Variants in MYH6 observed in about 807,000 individuals in gnomAD.
The protein encoded by MYH6 is myosin-6.
In MYH6, 126 loss-of-function variants were observed where a neutral mutation model predicts 223.2. The observed-to-expected ratio is 0.56, with a 90% CI of 0.49 to 0.65. MYH6 has a LOEUF of 0.65. MYH6 is among the 30% of genes least tolerant of loss of function. The probability of loss-of-function intolerance (pLI) is 0.00; values close to 1 mark genes in which losing one functional copy is unlikely to be tolerated. For missense variants in MYH6, 2,040 were observed against 2,536.4 expected (o/e 0.80, Z 4.20); for synonymous variants, 978 against 1,010.2 (o/e 0.97, Z 0.61).
chr14:23,397,363 G>T (rs1891430762), intron 16 of MYH6, 106 bp from the exon 17 acceptor site: 1 of 1,314,868 alleles, frequency 7.6e-7, no homozygotes. Context: ...AAGGGACAGG[G>T]GCTGCCACAT....
chr14:23,407,208 T>C lies in MYH6; in HGVS notation c.16A>G (p.Met6Val). Residue 6 changes from methionine (M) to valine (V), a missense_variant, in exon 3 of 39, where the codon ATG becomes GTG. Met to Val is a conservative substitution (Grantham distance 21, BLOSUM62 1). Around this residue, in one of 4 missense-constraint regions of MYH6, gnomAD observed 184 missense variants for 232.4 expected, o/e 0.79. Coordinates refer to ENST00000405093, the MANE Select transcript of MYH6 (RefSeq NM_002471.4). This position sits in a 1 kb window ranked among gnomAD's most constrained non-coding sequence, Gnocchi z 5.6. ...TGGGCCGCTGCCCCAAAGTCAGCCATCTGGGCATCGGTCATCTTGGTGCTT... is the reference window on the plus strand; with the variant it reads ...TGGGCCGCTGCCCCAAAGTCAGCCACCTGGGCATCGGTCATCTTGGTGCTT... Reference protein sequence around the residue: MTDAQMADFGAAAQYL... With the variant: MTDAQVADFGAAAQYL... 6.2e-7 allele frequency: 1 copy of C among 1,614,234 alleles called. No individual in the cohort carries two copies. Among genetic ancestry groups the C allele is most frequent in the South Asian group, 1.1e-5 (1 of 91,086 alleles).
At chr14:23,398,343 C>G (rs1226378343) in intron 15 of MYH6, among the ~76,000 whole-genome samples, 1 of 152,150 alleles carries the variant, frequency 6.6e-6, no homozygotes, top group Non-Finnish European at 1.5e-5. Context: ...ACTTTATCCT[C>G]TTCATTTCAA....
chr14:23,384,910 A>C lies in MYH6; in HGVS notation c.5289+6T>G. On this transcript the variant is annotated splice_donor_region_variant and intron_variant, in intron 35 of 38. Transcript: ENST00000405093. ...TAGGGGAGGCGGAAGGTGGGCGGTC[A>C]CTTACATCCGTGATGGCCTTCTTGG... The C allele has an allele frequency of 6.2e-7, 1 of 1,613,924 alleles. No homozygotes were observed. Among genetic ancestry groups the C allele is most frequent in the South Asian group, 1.1e-5 (1 of 91,066 alleles).
intron 6 of MYH6, 136 bp from the exon 7 acceptor site, chr14:23,404,958 C>T (rs1891736520): frequency 4.0e-6 from 6 of 1,500,208 alleles, no homozygotes; most frequent in Non-Finnish European, 5.5e-6. Flanking sequence ...TGGTTCATTG[C>T]TCTGGCACCC....
intron 15 of MYH6, among the ~76,000 whole-genome samples, chr14:23,398,003 C>CTTCTTCTTT (rs1566512666): frequency 2.2e-5 from 3 of 137,770 alleles, no homozygotes; most frequent in African/African-American, 8.8e-5. Flanking sequence ...TCTTCTTCTT[C>CTTCTTCTTT]TTCTTCTTCT....
At chr14:23,406,993 C>T in intron 3 of MYH6, 30 bp downstream of exon 3, 1 of 1,609,494 alleles carries the variant, frequency 6.2e-7, no homozygotes. Flanking sequence ...GACCTCCTTC[C>T]CTTCTGCCCC....
chr14:23,388,395 T>G, intron 29 of MYH6, 57 bp from the exon 30 acceptor site: 2 of 1,605,072 alleles, frequency 1.2e-6, no homozygotes, highest in East Asian at 4.5e-5. Context: ...CACTGGAGCC[T>G]TGGGTGGACC....
chr14:23,386,269 C>A (rs396024), intron 33 of MYH6, 46 bp downstream of exon 33: 2 of 1,613,632 alleles, frequency 1.2e-6, no homozygotes, highest in African/African-American at 1.3e-5. Context: ...CTTCTCCAGG[C>A]CACATGGAGG....
intron 15 of MYH6, among the ~76,000 whole-genome samples, chr14:23,398,112 G>C (rs961563145): frequency 7.9e-5 from 12 of 151,674 alleles, no homozygotes; most frequent in Admixed American, 6.6e-4. Context: ...CCGTCGCCCG[G>C]ATTCAAGCAA....
In MYH6 at chr14:23,402,687, CCTCA is replaced by C; in HGVS notation, c.1002+6_1002+9del. On this transcript the variant is annotated splice_donor_region_variant and intron_variant, in intron 11 of 38. Coordinates refer to ENST00000405093, the MANE Select transcript of MYH6 (RefSeq NM_002471.4). ...GTCCCTCGAACGGCCGCAGCAGCCC[CCTCA>C]CTCACATCGGTGGCCATGAGCTCCT... 6.2e-7 allele frequency: 1 copy of C among 1,613,612 alleles called. No individual in the cohort carries two copies. Among genetic ancestry groups the C allele is most frequent in the Non-Finnish European group, 8.5e-7 (1 of 1,179,932 alleles).
At chr14:23,401,510 A>T (rs572103290) in intron 12 of MYH6, among the ~76,000 whole-genome samples, 1 of 152,246 alleles carries the variant, frequency 6.6e-6, no homozygotes, top group East Asian at 1.9e-4. Flanking sequence ...TCTTGCCACA[A>T]CTGGCTCTTC....
chr14:23,404,978 G>C lies in MYH6; in HGVS notation c.530+122C>G. The C allele has an allele frequency of 2.0e-6, 3 of 1,532,682 alleles. 1 individual carries two copies. In the South Asian group the frequency reaches 3.4e-5, roughly 17 times the overall value. 94.9% of individuals were successfully genotyped at this position (1,532,682 alleles called of 1,614,324 possible). ...CATTGCTCTGGCACCCCTCTAATGA[G>C]AGCTCAGTGCCCCATGCTCCCTGCA... On this transcript the variant is annotated intron_variant, in intron 6 of 38. Transcript: ENST00000405093.
rs138127105 is a variant in MYH6, at chr14:23,389,504, C to T, written c.3867G>A (p.Leu1289=). 1 of 1,614,214 alleles carries T rather than the reference C, an allele frequency of 6.2e-7. No individual in the cohort carries two copies. The highest frequency in any genetic ancestry group is 8.5e-7 in the Non-Finnish European group (1 of 1,180,042). Residue 1289 remains leucine (L), a synonymous_variant, in exon 28 of 39, where the codon TTG becomes TTA. Transcript: ENST00000405093. The part of the protein sequence containing the change: ...RAKLQTENGE[L]ARQLEEKEAL... ...CCTCCTTTTCCTCTAGCTGCCGGGC[C>T]AACTCTCCTGGAGGTGAAATGAGGG...
intron 36 of MYH6, 107 bp from the exon 37 acceptor site, chr14:23,383,427 C>T: frequency 2.3e-6 from 2 of 868,550 alleles, no homozygotes; most frequent in Non-Finnish European, 3.7e-6. Flanking sequence ...CTGCCCCTCC[C>T]TGCAATGATC....
rs959578206 is a variant in MYH6, at chr14:23,405,465, C to G, written c.346-86G>C. The G allele has an allele frequency of 1.2e-5, 20 of 1,606,028 alleles. No homozygotes were observed. The highest frequency in any genetic ancestry group is 1.6e-5 in the Non-Finnish European group (19 of 1,173,556). On this transcript the variant is annotated intron_variant, in intron 4 of 38. Transcript: ENST00000405093. The surrounding 1 kb of genome is among the most constrained non-coding windows in gnomAD (Gnocchi z 4.7). ...TGGCAGCCAGGCATGTCCCTGTTCA[C>G]TCCAGCTGGCTCTACTCCTCCTGCA...
At chr14:23,387,243 C>T (rs1350210542) in intron 32 of MYH6, among the ~76,000 whole-genome samples, 1 of 152,136 alleles carries the variant, frequency 6.6e-6, no homozygotes, top group African/African-American at 2.4e-5. Context: ...ACTCTGGAAC[C>T]CCACACTCCT....
At chr14:23,396,189 T>C in intron 20 of MYH6, 95 bp downstream of exon 20, 1 of 1,539,980 alleles carries the variant, frequency 6.5e-7, no homozygotes, top group Admixed American at 1.7e-5. Flanking sequence ...GGCCAGCTGG[T>C]AGGTCTGAAC....
At position 23,386,111 on chromosome 14, in the gene MYH6, G is replaced by A. The variant is rs382872; in HGVS notation, c.4980C>T (p.Asp1660=). The A allele has an allele frequency of 0.1, 161,431 of 1,614,156 alleles. 9,226 individuals are homozygous for A. Among genetic ancestry groups the A allele is most frequent in the Non-Finnish European group, 0.12 (137,359 of 1,180,014 alleles). The change falls in exon 34 of 39, where the codon GAC becomes GAT. Residue 1660 remains aspartate, a synonymous_variant. Transcript: ENST00000405093. ...SLLKDTQIQL[D]DAVRANDDLK... is the part of the protein sequence containing the mutation. ...GGTCGTCGTTGGCACGGACCGCATC[G>A]TCCAGCTGGATCTGGGTGTCCTGAG...
At chr14:23,397,916 C>G (rs940228943) in intron 15 of MYH6, among the ~76,000 whole-genome samples, 1 of 128,770 alleles carries the variant, frequency 7.8e-6, no homozygotes, top group South Asian at 2.4e-4. Context: ...TAGTTCTCCT[C>G]CTCCTCCTCC....
Sources: allele counts gnomAD v4.1 joint callset (sites outside exome capture counted in the v4.1 genomes callset), GRCh38; gene constraint gnomAD v4.1.1; regional missense constraint gnomAD v4.1.1; non-coding constraint Gnocchi (gnomAD v3.1); transcripts MANE v1.5; gene names NCBI Gene and HGNC (gene_info 2026-07-23, HGNC 2026-07-21).